Variants in EPB41L5 observed in about 807,000 individuals in gnomAD.
EPB41L5 encodes erythrocyte membrane protein band 4.1 like 5.
Under a neutral mutation model 106.6 loss-of-function variants are expected in EPB41L5, and 55 were observed. The observed-to-expected ratio is 0.52, with a 90% CI of 0.42 to 0.65. The LOEUF is 0.65. EPB41L5 is among the 30% of genes least tolerant of loss of function. The pLI, the probability that EPB41L5 is intolerant of heterozygous loss-of-function variation, is 0.00. For synonymous variants in EPB41L5, 297 were observed against 306.7 expected (o/e 0.97, Z 0.33); for missense variants, 871 against 882.1 (o/e 0.99, Z 0.16).
chr2:120,076,978 T>C lies in EPB41L5; in HGVS notation c.513T>C (p.Leu171=). Residue 171 remains leucine (L), a synonymous_variant, in exon 8 of 25, where the codon CTT becomes CTC. Coordinates refer to ENST00000263713, the MANE Select transcript of EPB41L5 (RefSeq NM_020909.4). ...QLAAYNLQAE[L]GDYDLAEHSP... ...TGAAACTTATGTTTATAGCTGAACT[T>C]GGTGACTATGATCTTGCTGAGCATA... 1 of 1,595,682 alleles carries C rather than the reference T, an allele frequency of 6.3e-7. No individual in the cohort carries two copies. The highest frequency in any genetic ancestry group is 8.5e-7 in the Non-Finnish European group (1 of 1,171,594).
intron 16 of EPB41L5, among the ~76,000 whole-genome samples, chr2:120,118,034 T>A (rs896802866): frequency 3.3e-5 from 5 of 152,220 alleles, no homozygotes; most frequent in African/African-American, 1.2e-4. Context: ...ATAAGCAGAT[T>A]GATCCGTTTT....
At chr2:120,086,002 C>G (rs576840743) in intron 10 of EPB41L5, among the ~76,000 whole-genome samples, 17 of 152,252 alleles carry the variant, frequency 1.1e-4, no homozygotes, top group South Asian at 6.2e-4. Flanking sequence ...TCAAGACCAG[C>G]CTGGCCAACA....
At chr2:120,164,410 C>T (rs1354371112) in intron 21 of EPB41L5, among the ~76,000 whole-genome samples, 1 of 151,978 alleles carries the variant, frequency 6.6e-6, no homozygotes, top group Non-Finnish European at 1.5e-5. Flanking sequence ...TGAGGTCTCA[C>T]TATATTGCCC....
intron 16 of EPB41L5, chr2:120,106,295 T>C: frequency 1.0e-6 from 1 of 985,334 alleles, no homozygotes; most frequent in Non-Finnish European, 1.2e-6. Flanking sequence ...GGTAGTAAAA[T>C]TAAACTTGTC....
chr2:120,147,607 A>G (rs1394336929), intron 20 of EPB41L5, among the ~76,000 whole-genome samples: 2 of 146,944 alleles, frequency 1.4e-5, no homozygotes, highest in East Asian at 4.0e-4. Context: ...CGTGGGCAAC[A>G]GAGCGAAACT....
intron 18 of EPB41L5, among the ~76,000 whole-genome samples, chr2:120,138,860 A>T (rs1686049554): frequency 6.6e-6 from 1 of 152,012 alleles, no homozygotes. Flanking sequence ...ACCACAAAAG[A>T]CTCAGAATAG....
intron 20 of EPB41L5, among the ~76,000 whole-genome samples, chr2:120,153,502 C>G (rs1217039627): frequency 6.6e-6 from 1 of 152,032 alleles, no homozygotes; most frequent in Non-Finnish European, 1.5e-5. Flanking sequence ...CATTAGGGCT[C>G]ATTGGTTTAT....
intron 14 of EPB41L5, among the ~76,000 whole-genome samples, chr2:120,099,484 G>A (rs1468940634): frequency 4.6e-5 from 7 of 151,828 alleles, no homozygotes; most frequent in African/African-American, 1.5e-4. Context: ...CCGGAGTGCA[G>A]TGGCACGATC....
chr2:120,042,672 A>G (rs564358580), intron 3 of EPB41L5, among the ~76,000 whole-genome samples: 43 of 152,302 alleles, frequency 2.8e-4, no homozygotes, highest in African/African-American at 9.9e-4. Flanking sequence ...GGATGTTTGA[A>G]AGAAAGTGGC....
intron 3 of EPB41L5, among the ~76,000 whole-genome samples, chr2:120,054,233 G>C (rs1680479940): frequency 6.6e-6 from 1 of 152,086 alleles, no homozygotes; most frequent in Non-Finnish European, 1.5e-5. Flanking sequence ...CAGATCCTTT[G>C]CCTGATTTTT....
At position 120,167,938 on chromosome 2, in the gene EPB41L5, G is replaced by A; in HGVS notation, c.2066G>A (p.Gly689Glu). The A allele has an allele frequency of 6.2e-7, 1 of 1,614,082 alleles. No individual in the cohort carries two copies. Among genetic ancestry groups the A allele is most frequent in the Non-Finnish European group, 8.5e-7 (1 of 1,180,010 alleles). ...GCEMLLTGKE[G>E]HGNKDGISLI... is the part of the protein sequence containing the mutation. ...GAAATGCTTTTGACAGGGAAGGAGG[G>A]ACATGGTAATAAAGATGGAATCTCA... The change falls in exon 24 of 25, where the codon GGA becomes GAA. Residue 689 changes from glycine to glutamate, a missense_variant. Physicochemically the swap from Gly to Glu is moderately conservative, Grantham distance 98. Coordinates refer to ENST00000263713, the MANE Select transcript of EPB41L5 (RefSeq NM_020909.4).
chr2:120,094,668 C>G (rs1683627736), intron 14 of EPB41L5, among the ~76,000 whole-genome samples: 1 of 151,932 alleles, frequency 6.6e-6, no homozygotes, highest in South Asian at 2.1e-4. Context: ...ATTAGGTTAT[C>G]TGAGATCTTT....
intron 2 of EPB41L5, among the ~76,000 whole-genome samples, chr2:120,035,140 T>G (rs1370131819): frequency 6.6e-6 from 1 of 152,230 alleles, no homozygotes; most frequent in Non-Finnish European, 1.5e-5. Flanking sequence ...CAAATCTCCC[T>G]TATTAAATGG....
chr2:120,111,343 C>G (rs967197293), intron 16 of EPB41L5, among the ~76,000 whole-genome samples: 5 of 152,164 alleles, frequency 3.3e-5, no homozygotes, highest in African/African-American at 1.2e-4. Context: ...TGCAGTTTTT[C>G]CCATCTTTGT....
At chr2:120,139,450 A>G (rs745608632) in intron 18 of EPB41L5, among the ~76,000 whole-genome samples, 2 of 152,156 alleles carry the variant, frequency 1.3e-5, no homozygotes, top group Non-Finnish European at 1.5e-5. Context: ...TAATAACCAG[A>G]ATATATAAAG....
intron 16 of EPB41L5, chr2:120,105,726 T>C: frequency 1.0e-6 from 1 of 985,424 alleles, no homozygotes; most frequent in Non-Finnish European, 1.2e-6. Flanking sequence ...TTTAGCAAGC[T>C]TAAAAATGGC....
intron 2 of EPB41L5, among the ~76,000 whole-genome samples, chr2:120,026,154 A>G (rs1415585090): frequency 2.6e-5 from 4 of 152,230 alleles, no homozygotes; most frequent in African/African-American, 9.6e-5. Context: ...AGCTAAAACT[A>G]TAAATCCTTA....
intron 18 of EPB41L5, among the ~76,000 whole-genome samples, chr2:120,140,004 A>G (rs1335131219): frequency 6.6e-6 from 1 of 152,096 alleles, no homozygotes; most frequent in Admixed American, 6.6e-5. Flanking sequence ...ATGAGATACT[A>G]TCATTTGCAA....
chr2:120,063,630 C>T (rs1030687654), intron 3 of EPB41L5, among the ~76,000 whole-genome samples: 1 of 151,838 alleles, frequency 6.6e-6, no homozygotes, highest in African/African-American at 2.4e-5. Context: ...ACATGTACCC[C>T]TGAATCTAAA....
Sources: gnomAD v4.1 joint callset for allele counts (sites outside exome capture counted in the v4.1 genomes callset) on GRCh38, gnomAD v4.1.1 for gene constraint, MANE v1.5 for transcripts, NCBI Gene and HGNC (gene_info 2026-07-23, HGNC 2026-07-21) for gene names.